SDCCAG8: variants seen among roughly 807,000 people sequenced by gnomAD.
The protein encoded by SDCCAG8 is SHH signaling and ciliogenesis regulator SDCCAG8, also known as serologically defined colon cancer antigen 8.
Under a neutral mutation model 101.8 loss-of-function variants are expected in SDCCAG8, and 74 were observed. That is an observed-to-expected ratio of 0.73 (90% CI 0.60 to 0.88). The LOEUF is 0.88. Among genes scored for constraint, SDCCAG8 ranks in the 40% least tolerant of loss-of-function variants. The probability of loss-of-function intolerance (pLI) is 0.00; values close to 1 mark genes in which losing one functional copy is unlikely to be tolerated. For synonymous variants in SDCCAG8, 281 were observed against 292.9 expected, an observed-to-expected ratio of 0.96 and a Z score of 0.41; for missense variants, 787 against 822.6, an observed-to-expected ratio of 0.96 and a Z score of 0.53.
intron 16 of SDCCAG8, among the ~76,000 whole-genome samples, chr1:243,429,345 G>A (rs982587446): frequency 1.3e-5 from 2 of 151,982 alleles, no homozygotes; most frequent in Non-Finnish European, 1.5e-5. Context: ...AACCATTTAT[G>A]TTATCAATAT....
intron 4 of SDCCAG8, 133 bp downstream of exon 4, chr1:243,274,789 A>G (rs960239296): frequency 4.9e-6 from 3 of 609,722 alleles, no homozygotes; most frequent in Non-Finnish European, 9.0e-6. Flanking sequence ...TACGTGATTG[A>G]GAGACTGATG....
At chr1:243,460,320 G>A (rs570605254) in intron 16 of SDCCAG8, among the ~76,000 whole-genome samples, 12 of 152,074 alleles carry the variant, frequency 7.9e-5, no homozygotes, top group Admixed American at 3.9e-4. Flanking sequence ...TGTGTGTAGC[G>A]AGCACTACTT....
chr1:243,422,023 G>A (rs1573952638), intron 15 of SDCCAG8, among the ~76,000 whole-genome samples: 1 of 152,198 alleles, frequency 6.6e-6, no homozygotes, highest in East Asian at 1.9e-4. Context: ...TGCTGGCAGG[G>A]AGTGAGCCTC....
chr1:243,482,344 C>A (rs1663908262), intron 16 of SDCCAG8, among the ~76,000 whole-genome samples: 1 of 152,078 alleles, frequency 6.6e-6, no homozygotes, highest in Non-Finnish European at 1.5e-5. Flanking sequence ...CTGCCTGGGC[C>A]CAGCACTCTT....
chr1:243,450,650 C>A (rs778478128), intron 16 of SDCCAG8, among the ~76,000 whole-genome samples: 1 of 151,884 alleles, frequency 6.6e-6, no homozygotes, highest in Non-Finnish European at 1.5e-5. Flanking sequence ...TGTTATATAA[C>A]CTGGTTTTGT....
At chr1:243,257,208 A>G (rs184998540) in intron 1 of SDCCAG8, among the ~76,000 whole-genome samples, 8 of 152,382 alleles carry the variant, frequency 5.2e-5, no homozygotes, top group South Asian at 2.1e-4. Flanking sequence ...CATATAAACT[A>G]TAAGTTTCAC....
rs543816703 is a variant in SDCCAG8, at chr1:243,379,233, C to G, written c.1616+370C>G. ...ATTCATTTAGGAAAATAATAAAATA[C>G]TGTCAGTGGTGAGAGAGACAAAGTA... On this transcript the variant is annotated intron_variant, in intron 13 of 17. Coordinates refer to ENST00000366541, the MANE Select transcript of SDCCAG8 (RefSeq NM_006642.5). Among the ~76,000 whole-genome samples, 38 of 152,250 alleles carry G rather than the reference C, an allele frequency of 2.5e-4. No individual in the cohort carries two copies. The South Asian group carries it at 7.9e-3, about 32-fold the overall frequency.
intron 17 of SDCCAG8, among the ~76,000 whole-genome samples, chr1:243,494,331 CCT>C (rs1463939381): frequency 6.6e-6 from 1 of 152,052 alleles, no homozygotes; most frequent in Non-Finnish European, 1.5e-5. Flanking sequence ...TAAAGTTTGC[CCT>C]GATTCTTTCA....
chr1:243,380,078 AAAAGAAAGAGG>A (rs1229989099), intron 13 of SDCCAG8, among the ~76,000 whole-genome samples: 45 of 152,216 alleles, frequency 3.0e-4, no homozygotes, highest in African/African-American at 1.0e-3. Flanking sequence ...TTTAAACAAT[AAAAGAAAGAGG>A]AAAGAAAGAG....
intron 16 of SDCCAG8, among the ~76,000 whole-genome samples, chr1:243,462,846 CA>C (rs1370054710): frequency 1.3e-5 from 2 of 149,984 alleles, no homozygotes; most frequent in Admixed American, 1.3e-4. Context: ...CATCTTTTGG[CA>C]AAAAACAAAA....
chr1:243,361,467 G>C (rs1414245836), intron 12 of SDCCAG8, among the ~76,000 whole-genome samples: 1 of 152,104 alleles, frequency 6.6e-6, no homozygotes, highest in Non-Finnish European at 1.5e-5. Flanking sequence ...GCATTGCATT[G>C]CTCTTCCATT....
intron 12 of SDCCAG8, among the ~76,000 whole-genome samples, chr1:243,351,001 G>T (rs1057354724): frequency 6.6e-6 from 1 of 152,164 alleles, no homozygotes; most frequent in African/African-American, 2.4e-5. Context: ...ATCCTGTTCC[G>T]TTCTATTCTC....
intron 5 of SDCCAG8, among the ~76,000 whole-genome samples, chr1:243,288,762 A>G (rs2069891787): frequency 2.0e-5 from 3 of 152,148 alleles, no homozygotes; most frequent in South Asian, 4.1e-4. Context: ...TAATCCCAAC[A>G]CTTTGGGAGA....
intron 6 of SDCCAG8, among the ~76,000 whole-genome samples, chr1:243,295,593 A>G (rs1573043013): frequency 6.6e-6 from 1 of 152,164 alleles, no homozygotes; most frequent in Non-Finnish European, 1.5e-5. Context: ...ACCACTCACC[A>G]GTTGCTGCTT....
chr1:243,385,741 GGGC>G (rs1558393277), intron 13 of SDCCAG8, among the ~76,000 whole-genome samples: 2 of 151,650 alleles, frequency 1.3e-5, no homozygotes, highest in Admixed American at 1.3e-4. Context: ...AGGCCGAGGC[GGGC>G]GGATCACCTG....
intron 16 of SDCCAG8, among the ~76,000 whole-genome samples, chr1:243,443,974 TAAAAG>T (rs1370173731): frequency 6.6e-6 from 1 of 152,176 alleles, no homozygotes; most frequent in Non-Finnish European, 1.5e-5. Context: ...AGCTGAATCA[TAAAAG>T]AAAACTTGAA....
chr1:243,473,001 C>T (rs1029551965), intron 16 of SDCCAG8, among the ~76,000 whole-genome samples: 31 of 145,850 alleles, frequency 2.1e-4, no homozygotes, highest in African/African-American at 6.6e-4. Context: ...TTTTAAAACA[C>T]GTTTTTAAAT....
At chr1:243,427,628 A>C (rs1018349916) in intron 16 of SDCCAG8, among the ~76,000 whole-genome samples, 1 of 152,132 alleles carries the variant, frequency 6.6e-6, no homozygotes, top group Non-Finnish European at 1.5e-5. Context: ...GAAGGAAATG[A>C]AAATATTTAT....
chr1:243,466,388 C>T (rs941276432), intron 16 of SDCCAG8, among the ~76,000 whole-genome samples: 1 of 152,138 alleles, frequency 6.6e-6, no homozygotes, highest in Non-Finnish European at 1.5e-5. Context: ...TACTTAATGC[C>T]TCTGAGATTC....
Sources: gnomAD v4.1 joint callset for allele counts (sites outside exome capture counted in the v4.1 genomes callset) on GRCh38, gnomAD v4.1.1 for gene constraint, MANE v1.5 for transcripts, NCBI Gene and HGNC (gene_info 2026-07-23, HGNC 2026-07-21) for gene names.